CACNG3: variants seen among roughly 807,000 people sequenced by gnomAD.
CACNG3 encodes calcium voltage-gated channel auxiliary subunit gamma 3.
A neutral mutation model predicts 28.5 loss-of-function variants in CACNG3; 3 were observed. That is an observed-to-expected ratio of 0.11 (90% CI 0.05 to 0.27). The LOEUF (loss-of-function observed/expected upper bound fraction) is 0.27. CACNG3 is among the 10% of genes least tolerant of loss of function. The pLI is 1.00. For synonymous variants in CACNG3, 174 were observed against 162.2 expected (o/e 1.07, Z -0.55); for missense variants, 236 against 414.4 (o/e 0.57, Z 3.74).
chr16:24,356,284 TGGTGA>T (rs1214147024), intron 3 of CACNG3, among the ~76,000 whole-genome samples: 3 of 152,086 alleles, frequency 2.0e-5, no homozygotes, highest in Non-Finnish European at 4.4e-5. Flanking sequence ...GAGTATAAAA[TGGTGA>T]GGAAGAGTGG....
At chr16:24,305,005 G>A (rs962052496) in intron 1 of CACNG3, among the ~76,000 whole-genome samples, 2 of 152,148 alleles carry the variant, frequency 1.3e-5, no homozygotes, top group South Asian at 2.1e-4. Flanking sequence ...TGGTCTCCAC[G>A]CACATCCTTT....
intron 1 of CACNG3, among the ~76,000 whole-genome samples, chr16:24,327,717 G>C (rs1899577176): frequency 2.0e-5 from 3 of 151,868 alleles, no homozygotes; most frequent in South Asian, 4.2e-4. Flanking sequence ...TGAGACAGGA[G>C]GATCGCTTGA....
At chr16:24,279,338 G>A (rs1402617258) in intron 1 of CACNG3, among the ~76,000 whole-genome samples, 1 of 152,142 alleles carries the variant, frequency 6.6e-6, no homozygotes, top group East Asian at 1.9e-4. Flanking sequence ...CTGTTGGCCG[G>A]GCTGGAGTGC....
Position 24,338,862 on chromosome 16 carries a change from C to T in CACNG3, c.212-7872C>T, listed in dbSNP as rs1373378676. On this transcript the variant is annotated intron_variant, in intron 1 of 3. Coordinates refer to ENST00000005284, the MANE Select transcript of CACNG3 (RefSeq NM_006539.4). ...TACCCACTGGATCTGTCCTCCAGAC[C>T]GTTAATCCTCTAAACACCTTGAGCT... Among the ~76,000 whole-genome samples the T allele has an allele frequency of 2.6e-5, 4 of 152,154 alleles. No individual in the cohort carries two copies. The East Asian group carries it at 5.8e-4, about 22-fold the overall frequency.
At chr16:24,307,207 T>A (rs756303006) in intron 1 of CACNG3, among the ~76,000 whole-genome samples, 7 of 152,162 alleles carry the variant, frequency 4.6e-5, no homozygotes, top group Non-Finnish European at 1.0e-4. Context: ...CTGCAACTTC[T>A]GCCTCCCAGG....
At chr16:24,300,941 C>T (rs1042955506) in intron 1 of CACNG3, among the ~76,000 whole-genome samples, 1 of 151,022 alleles carries the variant, frequency 6.6e-6, no homozygotes, top group African/African-American at 2.4e-5. Context: ...CCCAGCTGCT[C>T]AGGAAGCAGG....
intron 1 of CACNG3, among the ~76,000 whole-genome samples, chr16:24,280,285 C>T (rs1898808271): frequency 6.6e-6 from 1 of 152,144 alleles, no homozygotes; most frequent in South Asian, 2.1e-4. Context: ...TAAATGGTGA[C>T]CTTTAGAATT....
intron 1 of CACNG3, among the ~76,000 whole-genome samples, chr16:24,325,809 A>G (rs1453789069): frequency 6.6e-6 from 1 of 152,260 alleles, no homozygotes; most frequent in African/African-American, 2.4e-5. Context: ...TTAGAGCTTA[A>G]TAAATGGTAG....
intron 1 of CACNG3, among the ~76,000 whole-genome samples, chr16:24,330,615 A>G (rs1303715455): frequency 6.6e-6 from 1 of 152,188 alleles, no homozygotes; most frequent in Non-Finnish European, 1.5e-5. Context: ...CCAGGAATGC[A>G]CTTGTTGGTT....
intron 1 of CACNG3, among the ~76,000 whole-genome samples, chr16:24,320,558 T>C (rs1485676106): frequency 2.0e-5 from 3 of 152,146 alleles, no homozygotes; most frequent in African/African-American, 4.8e-5. Context: ...AATATACCAA[T>C]ACTATATTAT....
intron 1 of CACNG3, among the ~76,000 whole-genome samples, chr16:24,280,922 C>T (rs1416299329): frequency 1.3e-5 from 2 of 149,658 alleles, no homozygotes; most frequent in Non-Finnish European, 3.0e-5. Context: ...GGTTGTATAA[C>T]CTAGAATTCA....
intron 1 of CACNG3, among the ~76,000 whole-genome samples, chr16:24,281,211 T>G (rs933724712): frequency 3.3e-5 from 5 of 152,112 alleles, no homozygotes; most frequent in African/African-American, 1.2e-4. Flanking sequence ...TGTTTGTTTG[T>G]TTGAGACAGG....
At chr16:24,330,465 A>G (rs1899616719) in intron 1 of CACNG3, among the ~76,000 whole-genome samples, 1 of 152,220 alleles carries the variant, frequency 6.6e-6, no homozygotes, top group African/African-American at 2.4e-5. Flanking sequence ...CTGTGTGTCC[A>G]TCTGACGACA....
rs540914713 is a variant in CACNG3, at chr16:24,331,650, T to A, written c.212-15084T>A. Among the ~76,000 whole-genome samples, 5 of 152,360 alleles carry A rather than the reference T, an allele frequency of 3.3e-5. No individual in the cohort carries two copies. The South Asian group carries it at 1.0e-3, about 32-fold the overall frequency. ...CTGGACCATACATGCTCCTTTTCAG[T>A]TCTGGACCCTGGCCTGTAAGAAGCT... On this transcript the variant is annotated intron_variant, in intron 1 of 3. Coordinates refer to ENST00000005284, the MANE Select transcript of CACNG3 (RefSeq NM_006539.4).
At chr16:24,296,122 G>T (rs1285924718) in intron 1 of CACNG3, among the ~76,000 whole-genome samples, 1 of 152,128 alleles carries the variant, frequency 6.6e-6, no homozygotes, top group Non-Finnish European at 1.5e-5. Context: ...GGATGACAAG[G>T]TCAGAAGCCC....
chr16:24,296,660 T>C (rs182067781), intron 1 of CACNG3, among the ~76,000 whole-genome samples: 10 of 152,304 alleles, frequency 6.6e-5, no homozygotes, highest in Admixed American at 1.3e-4. Flanking sequence ...CATTCTTTGA[T>C]ATACATGACA....
intron 1 of CACNG3, among the ~76,000 whole-genome samples, chr16:24,333,234 A>G (rs906701091): frequency 1.3e-5 from 2 of 152,182 alleles, no homozygotes; most frequent in African/African-American, 4.8e-5. Flanking sequence ...AACAAAGCTT[A>G]CTTTTTTTGT....
intron 1 of CACNG3, among the ~76,000 whole-genome samples, chr16:24,257,440 T>C (rs1898480870): frequency 7.2e-6 from 1 of 139,840 alleles, no homozygotes; most frequent in African/African-American, 2.7e-5. Flanking sequence ...CCTGACCCGG[T>C]CTGGCACATT....
chr16:24,267,315 T>C (rs1898625214), intron 1 of CACNG3, among the ~76,000 whole-genome samples: 1 of 152,126 alleles, frequency 6.6e-6, no homozygotes, highest in Non-Finnish European at 1.5e-5. Context: ...TGAGACAGGG[T>C]CTTGCTCTAT....
Sources: allele counts gnomAD v4.1 joint callset (sites outside exome capture counted in the v4.1 genomes callset), GRCh38; gene constraint gnomAD v4.1.1; transcripts MANE v1.5; gene names NCBI Gene and HGNC (gene_info 2026-07-23, HGNC 2026-07-21).